Variants in UNC5D observed in about 807,000 individuals in gnomAD.
UNC5D encodes the protein unc-5 netrin receptor D.
Under a neutral mutation model 105.4 loss-of-function variants are expected in UNC5D, and 39 were observed. That is an observed-to-expected ratio of 0.37 (90% CI 0.29 to 0.48). UNC5D has a LOEUF of 0.48. UNC5D is among the 20% of genes least tolerant of loss of function. UNC5D has a pLI of 0.98. For synonymous variants in UNC5D, 452 were observed against 450.4 expected (o/e 1.00, Z -0.04); for missense variants, 991 against 1,202.4 (o/e 0.82, Z 2.60).
intron 1 of UNC5D, among the ~76,000 whole-genome samples, chr8:35,248,716 A>G (rs1463766725): frequency 3.0e-5 from 3 of 99,372 alleles, no homozygotes; most frequent in Non-Finnish European, 5.2e-5. Flanking sequence ...TAATATATAT[A>G]AAATATATAA....
rs144900479 is a variant in UNC5D, at chr8:35,558,705, G to A, written c.322+9195G>A. Reference sequence around the variant, plus strand: ...ATAAGAGAATATTGCTTTTCAGGCCGGGCGCAGTGGCTCACGCCTGTAATC... The same window carrying A: ...ATAAGAGAATATTGCTTTTCAGGCCAGGCGCAGTGGCTCACGCCTGTAATC... On this transcript the variant is annotated intron_variant, in intron 2 of 16. Coordinates refer to ENST00000404895, the MANE Select transcript of UNC5D (RefSeq NM_080872.4). Among the ~76,000 whole-genome samples, 63 of 152,196 alleles carry A rather than the reference G, an allele frequency of 4.1e-4. 1 individual carries two copies. The East Asian group carries it at 4.5e-3, about 11-fold the overall frequency.
chr8:35,760,146 C>T (rs1274618760), intron 14 of UNC5D, among the ~76,000 whole-genome samples: 2 of 150,226 alleles, frequency 1.3e-5, no homozygotes, highest in African/African-American at 2.5e-5. Context: ...CGAGTTCAAG[C>T]GATTCTCCTG....
intron 1 of UNC5D, among the ~76,000 whole-genome samples, chr8:35,320,280 GTTA>G (rs1218601537): frequency 1.3e-5 from 2 of 152,092 alleles, no homozygotes; most frequent in African/African-American, 4.8e-5. Flanking sequence ...AAAGAGTTAA[GTTA>G]TTATCTTAAG....
rs184887568 is a variant in UNC5D at position 35,605,934 on chromosome 8, G to T, written c.570+10277G>T. ...ATTTTGAATTTATATAAAAGTTGAA[G>T]TACTACATAAAGTTCTCCTGTACCT... On this transcript the variant is annotated intron_variant, in intron 4 of 16. Coordinates refer to ENST00000404895, the MANE Select transcript of UNC5D (RefSeq NM_080872.4). 2.6e-5 allele frequency among the ~76,000 whole-genome samples: 4 copies of T among 152,100 alleles called. No individual in the cohort carries two copies. The East Asian group carries it at 7.7e-4, about 29-fold the overall frequency.
chr8:35,282,565 A>C (rs571095677), intron 1 of UNC5D, among the ~76,000 whole-genome samples: 1 of 152,294 alleles, frequency 6.6e-6, no homozygotes, highest in African/African-American at 2.4e-5. Flanking sequence ...AAACAACTTT[A>C]TGATACCAAA....
intron 1 of UNC5D, among the ~76,000 whole-genome samples, chr8:35,448,087 G>C (rs185161218): frequency 6.6e-6 from 1 of 152,008 alleles, no homozygotes; most frequent in Non-Finnish European, 1.5e-5. Flanking sequence ...AACACATTTT[G>C]TCACCAATTT....
intron 1 of UNC5D, among the ~76,000 whole-genome samples, chr8:35,445,933 G>A (rs1230071285): frequency 6.6e-6 from 1 of 152,052 alleles, no homozygotes; most frequent in Non-Finnish European, 1.5e-5. Flanking sequence ...CCATTATGAT[G>A]ATTATAATTT....
rs145819638 is a variant in UNC5D at position 35,610,229 on chromosome 8, A to G, written c.570+14572A>G. On this transcript the variant is annotated intron_variant, in intron 4 of 16. Transcript: ENST00000404895. Reference sequence around the variant, plus strand: ...GGTCACTAGGAAGCACCAAGAGCCAACTTTAAAGCTCGATCTGTCCTTTCT... The same window carrying G: ...GGTCACTAGGAAGCACCAAGAGCCAGCTTTAAAGCTCGATCTGTCCTTTCT... Among the ~76,000 whole-genome samples, 510 of 152,182 alleles carry G rather than the reference A, an allele frequency of 3.4e-3. 3 individuals carry two copies. Among genetic ancestry groups the G allele is most frequent in the African/African-American group, 0.011 (467 of 41,544 alleles).
intron 16 of UNC5D, among the ~76,000 whole-genome samples, chr8:35,783,893 T>C (rs1448134448): frequency 6.6e-6 from 1 of 152,188 alleles, no homozygotes; most frequent in Non-Finnish European, 1.5e-5. Context: ...AACAGAAGGC[T>C]CAATAACTAT....
At chr8:35,294,958 C>G (rs1271449712) in intron 1 of UNC5D, among the ~76,000 whole-genome samples, 11 of 152,130 alleles carry the variant, frequency 7.2e-5, no homozygotes, top group Admixed American at 5.2e-4. Flanking sequence ...CATGGGAGGT[C>G]ACTTTGTACT....
chr8:35,265,868 C>CATAATAATA (rs3991303), intron 1 of UNC5D, among the ~76,000 whole-genome samples: 60 of 142,504 alleles, frequency 4.2e-4, no homozygotes, highest in African/African-American at 1.1e-3. Context: ...AGACTCGTCT[C>CATAATAATA]ATAATAATAA....
At chr8:35,329,898 G>GTAA (rs1366208557) in intron 1 of UNC5D, among the ~76,000 whole-genome samples, 1 of 152,076 alleles carries the variant, frequency 6.6e-6, no homozygotes, top group African/African-American at 2.4e-5. Context: ...TATTCAACTT[G>GTAA]TAATAATAAT....
rs1371704210 is a variant in UNC5D at position 35,686,627 on chromosome 8, A to G, written c.1002A>G (p.Ala334=). ...CEHLRIRECT[A]PPPRNGGKFC... ...ATTTGCGGATCCGGGAGTGCACAGC[A>G]CCACCCCCGAGAAATGGGGGCAAAT... Residue 334 remains alanine (A), a synonymous_variant, in exon 7 of 17, where the codon GCA becomes GCG. Coordinates refer to ENST00000404895, the MANE Select transcript of UNC5D (RefSeq NM_080872.4). 1.2e-6 allele frequency: 2 copies of G among 1,608,010 alleles called. No individual in the cohort carries two copies. Among genetic ancestry groups the G allele is most frequent in the East Asian group, 2.2e-5 (1 of 44,482 alleles).
At chr8:35,410,050 G>A (rs1217124465) in intron 1 of UNC5D, among the ~76,000 whole-genome samples, 1 of 151,322 alleles carries the variant, frequency 6.6e-6, no homozygotes, top group Non-Finnish European at 1.5e-5. Context: ...CACTTGAACA[G>A]TAATGAATTT....
At chr8:35,257,446 C>T (rs1451595877) in intron 1 of UNC5D, among the ~76,000 whole-genome samples, 1 of 152,148 alleles carries the variant, frequency 6.6e-6, no homozygotes, top group Non-Finnish European at 1.5e-5. Context: ...TGGCTGATGA[C>T]TGGACTCTAA....
rs180715307 is a variant in UNC5D, at chr8:35,346,007, T to C, written c.103+110120T>C. Among the ~76,000 whole-genome samples the C allele has an allele frequency of 2.1e-3, 312 of 152,182 alleles. 3 individuals carry two copies. The highest frequency in any genetic ancestry group is 3.1e-3 in the Non-Finnish European group (211 of 67,954). On this transcript the variant is annotated intron_variant, in intron 1 of 16. Transcript: ENST00000404895. Reference sequence around the variant, plus strand: ...TTTTCTTTGGAGAAATCTCAAGTCATTTTTAACATGCTGAAATTCTTAAAA... The same window carrying C: ...TTTTCTTTGGAGAAATCTCAAGTCACTTTTAACATGCTGAAATTCTTAAAA...
intron 1 of UNC5D, among the ~76,000 whole-genome samples, chr8:35,249,496 T>G (rs1803535977): frequency 4.0e-5 from 6 of 150,582 alleles, no homozygotes; most frequent in Admixed American, 4.0e-4. Context: ...AGGTGGAGGT[T>G]GCAGTGAACC....
intron 1 of UNC5D, among the ~76,000 whole-genome samples, chr8:35,428,511 T>C (rs1465870009): frequency 3.3e-5 from 5 of 151,932 alleles, no homozygotes; most frequent in Non-Finnish European, 7.4e-5. Flanking sequence ...GCAGAATAAA[T>C]GGATTGTGCT....
chr8:35,667,527 G>A (rs757748522), intron 4 of UNC5D, among the ~76,000 whole-genome samples: 1 of 152,094 alleles, frequency 6.6e-6, no homozygotes, highest in African/African-American at 2.4e-5. Context: ...ACTACAAAGG[G>A]GCCAGGAAAT....
Sources: allele counts gnomAD v4.1 joint callset (sites outside exome capture counted in the v4.1 genomes callset), GRCh38; gene constraint gnomAD v4.1.1; transcripts MANE v1.5; gene names NCBI Gene and HGNC (gene_info 2026-07-23, HGNC 2026-07-21).